The following MS4A4E variants were observed in gnomAD, a reference collection of about 807,000 sequenced individuals.
The protein encoded by MS4A4E is putative membrane-spanning 4-domains subfamily A member 4E.
Under a neutral mutation model 13.3 loss-of-function variants are expected in MS4A4E, and 23 were observed. That is an observed-to-expected ratio of 1.73 (90% CI 1.25 to 2.45). MS4A4E has a LOEUF of 2.45. Ranked by LOEUF, MS4A4E falls within the 30% of genes most tolerant of loss-of-function variation. The probability of loss-of-function intolerance (pLI) is 0.00; values close to 1 mark genes in which losing one functional copy is unlikely to be tolerated. For synonymous variants in MS4A4E, 36 were observed against 45.6 expected (o/e 0.79, Z 0.85); for missense variants, 144 against 131.2 (o/e 1.10, Z -0.48).
chr11:60,232,909 C>T (rs1201208860), intron 1 of MS4A4E, among the ~76,000 whole-genome samples: 1 of 152,180 alleles, frequency 6.6e-6, no homozygotes, highest in Non-Finnish European at 1.5e-5. Context: ...TCCATGCCCC[C>T]ATCTTAGTCG....
At chr11:60,240,241 T>A (rs995668779) in intron 1 of MS4A4E, among the ~76,000 whole-genome samples, 12 of 152,238 alleles carry the variant, frequency 7.9e-5, no homozygotes, top group Non-Finnish European at 1.3e-4. Context: ...CTGTGTTAAA[T>A]GTCTGGTAGT....
In MS4A4E at chr11:60,230,522, A is replaced by T. The variant is rs116298032; in HGVS notation, c.-16-451T>A. On this transcript the variant is annotated intron_variant, in intron 1 of 8. Transcript: ENST00000651255. Reference sequence around the variant, plus strand: ...GTTCCTCCTTTTATAACCAAAGCACAGCTAAATTCTCAGGGCTGAAAATCT... The same window carrying T: ...GTTCCTCCTTTTATAACCAAAGCACTGCTAAATTCTCAGGGCTGAAAATCT... Among the ~76,000 whole-genome samples the T allele has an allele frequency of 2.4e-3, 362 of 152,288 alleles. 2 individuals carry two copies. Among genetic ancestry groups the T allele is most frequent in the African/African-American group, 8.5e-3 (355 of 41,556 alleles).
At chr11:60,229,144 T>C (rs943805205) in intron 2 of MS4A4E, among the ~76,000 whole-genome samples, 3 of 152,232 alleles carry the variant, frequency 2.0e-5, no homozygotes, top group Non-Finnish European at 4.4e-5. Context: ...AAGGGGCATA[T>C]GGGATATACC....
intron 8 of MS4A4E, among the ~76,000 whole-genome samples, chr11:60,202,327 A>G (rs1478094190): frequency 6.6e-6 from 1 of 152,244 alleles, no homozygotes; most frequent in Non-Finnish European, 1.5e-5. Context: ...CTTTGGTGCT[A>G]TGAATGTGTT....
At chr11:60,211,483 T>G (rs1309914665) in intron 5 of MS4A4E, among the ~76,000 whole-genome samples, 1 of 152,150 alleles carries the variant, frequency 6.6e-6, no homozygotes, top group Non-Finnish European at 1.5e-5. Flanking sequence ...GGAAGAGTGT[T>G]GAGTTTCCAC....
intron 5 of MS4A4E, among the ~76,000 whole-genome samples, chr11:60,211,860 C>T (rs2084125684): frequency 1.3e-5 from 2 of 152,174 alleles, no homozygotes; most frequent in Admixed American, 6.5e-5. Flanking sequence ...TTGCAATGAG[C>T]AGAGATTGTG....
chr11:60,213,349 T>C (rs2134929066), intron 4 of MS4A4E: 1 of 1,497,170 alleles, frequency 6.7e-7, no homozygotes, highest in East Asian at 2.5e-5. Context: ...GAAGATGAGA[T>C]AATCTCCAAA....
chr11:60,238,603 G>T (rs2084512344), intron 1 of MS4A4E, among the ~76,000 whole-genome samples: 1 of 152,076 alleles, frequency 6.6e-6, no homozygotes, highest in South Asian at 2.1e-4. Flanking sequence ...GTTGATCGTT[G>T]CAAGAATGAA....
At chr11:60,202,413 C>G (rs112297379) in intron 8 of MS4A4E, among the ~76,000 whole-genome samples, 2,735 of 152,284 alleles carry the variant, frequency 0.018, 83 homozygotes, top group African/African-American at 0.063. Flanking sequence ...TGTATGGGAG[C>G]TTGCCATTCA....
Position 60,216,489 on chromosome 11 carries a change from A to G in MS4A4E, c.179-1875T>C, listed in dbSNP as rs1242846965. On this transcript the variant is annotated intron_variant, in intron 3 of 8. Transcript: ENST00000651255. ...TGAAGATAATGAGAAATCCTCCCTC[A>G]AAAGTTTGTGGTGATGATGTGAAAT... 2.0e-5 allele frequency among the ~76,000 whole-genome samples: 3 copies of G among 152,290 alleles called. No individual in the cohort carries two copies. The East Asian group carries it at 5.8e-4, about 29-fold the overall frequency.
At chr11:60,211,514 C>A (rs1432696252) in intron 5 of MS4A4E, among the ~76,000 whole-genome samples, 1 of 151,986 alleles carries the variant, frequency 6.6e-6, no homozygotes, top group Non-Finnish European at 1.5e-5. Context: ...GGGAAGGGCA[C>A]AGTGAGGAAA....
At position 60,201,190 on chromosome 11, in the gene MS4A4E, T is replaced by G. The variant is rs1241043534; in HGVS notation, c.*353A>C. On this transcript the variant is annotated 3_prime_UTR_variant, in exon 9 of 9. Transcript: ENST00000651255. The stretch of plus-strand genomic sequence containing the variant: ...CTCCTCACTTCCCAGTAGGGGCGGC[T>G]GGGCAGAGGCGCCCCTCACCTCCCG... 7.8e-6 allele frequency: 1 copy of G among 127,946 alleles called. No homozygotes were observed. The highest frequency in any genetic ancestry group is 1.6e-5 in the Non-Finnish European group (1 of 61,638). The allele number at this position is 127,946 out of a possible 1,614,324, so 7.9% of individuals were successfully genotyped here. A position where few individuals can be genotyped will look rare whatever the true frequency, so the allele number is the denominator to read the frequency against.
At chr11:60,203,221 T>C (rs1010320544) in intron 8 of MS4A4E, among the ~76,000 whole-genome samples, 1 of 152,256 alleles carries the variant, frequency 6.6e-6, no homozygotes, top group Non-Finnish European at 1.5e-5. Context: ...TGCTTTTATA[T>C]TGTTTAATAA....
intron 3 of MS4A4E, among the ~76,000 whole-genome samples, chr11:60,221,195 T>A (rs1389919486): frequency 2.0e-5 from 3 of 152,194 alleles, no homozygotes; most frequent in Non-Finnish European, 4.4e-5. Flanking sequence ...CTATGGGTCA[T>A]CAAGTCACCA....
chr11:60,227,087 A>T (rs533522714), intron 3 of MS4A4E, among the ~76,000 whole-genome samples: 2 of 151,808 alleles, frequency 1.3e-5, no homozygotes, highest in South Asian at 2.1e-4. Flanking sequence ...TTTGTTAGGC[A>T]TAAATCTAAC....
At chr11:60,234,217 G>T (rs1590728649) in intron 1 of MS4A4E, among the ~76,000 whole-genome samples, 1 of 152,252 alleles carries the variant, frequency 6.6e-6, no homozygotes, top group East Asian at 1.9e-4. Context: ...ATCCATATCT[G>T]CTTCTGATGA....
At chr11:60,209,622 C>A (rs592364) in intron 5 of MS4A4E, among the ~76,000 whole-genome samples, 139,090 of 152,292 alleles carry the variant, frequency 0.91, 63,659 homozygotes, top group Non-Finnish European at 0.94. Context: ...ATGAACATCA[C>A]GTAGGTCAGT....
intron 6 of MS4A4E, among the ~76,000 whole-genome samples, chr11:60,206,485 A>ACACG (rs1554983257): frequency 1.3e-5 from 1 of 77,146 alleles, no homozygotes; most frequent in Non-Finnish European, 2.5e-5. Context: ...ATATATATAT[A>ACACG]TATGTATATA....
chr11:60,206,512 T>TATGTATATATACACAC (rs141037502), intron 6 of MS4A4E, among the ~76,000 whole-genome samples: 4 of 98,346 alleles, frequency 4.1e-5, no homozygotes, highest in South Asian at 3.5e-4. Context: ...TATATATATA[T>TATGTATATATACACAC]ACACACACAC....
Sources: allele counts gnomAD v4.1 joint callset (sites outside exome capture counted in the v4.1 genomes callset), GRCh38; gene constraint gnomAD v4.1.1; transcripts MANE v1.5; gene names NCBI Gene and HGNC (gene_info 2026-07-23, HGNC 2026-07-21).